The following SLC22A23 variants were observed in gnomAD, a reference collection of about 807,000 sequenced individuals.
The protein encoded by SLC22A23 is solute carrier family 22 member 23, also known as ion transporter protein.
In SLC22A23, 26 loss-of-function variants were observed where a neutral mutation model predicts 61.0. That is an observed-to-expected ratio of 0.43 (90% CI 0.31 to 0.59). The LOEUF is 0.59. Among genes scored for constraint, SLC22A23 ranks in the 20% least tolerant of loss-of-function variants. The pLI, the probability that SLC22A23 is intolerant of heterozygous loss-of-function variation, is 0.11. For synonymous variants in SLC22A23, 430 were observed against 413.9 expected (o/e 1.04, Z -0.47); for missense variants, 796 against 934.7 (o/e 0.85, Z 1.94).
At chr6:3,447,586 T>TC (rs1484050635) in intron 1 of SLC22A23, among the ~76,000 whole-genome samples, 6 of 144,974 alleles carry the variant, frequency 4.1e-5, no homozygotes, top group East Asian at 2.0e-4. Flanking sequence ...AAACTTTCTT[T>TC]TTTTTTTTTT....
chr6:3,291,870 AC>A (rs1443120097), intron 5 of SLC22A23: 1 of 152,224 alleles, frequency 6.6e-6, no homozygotes, highest in East Asian at 1.9e-4. Flanking sequence ...AAAAGTATAT[AC>A]CCCAAACTGA....
In SLC22A23 at chr6:3,372,013, C is replaced by T. The variant is rs1766250129; in HGVS notation, c.913+38175G>A. ...TATGGTATCTTCTTTAATCCCACGA[C>T]CATCCCAGGAGGTATGTACTCTCAT... On this transcript the variant is annotated intron_variant, in intron 3 of 9. Coordinates refer to ENST00000406686, the MANE Select transcript of SLC22A23 (RefSeq NM_015482.2). This position sits in a 1 kb window ranked among gnomAD's most constrained non-coding sequence, Gnocchi z 4.7. Among the ~76,000 whole-genome samples, 1 of 152,202 alleles carries T rather than the reference C, an allele frequency of 6.6e-6. No homozygotes were observed. The highest frequency in any genetic ancestry group is 1.5e-5 in the Non-Finnish European group (1 of 68,034).
At position 3,432,486 on chromosome 6, in the gene SLC22A23, C is replaced by T. The variant is rs1019249151; in HGVS notation, c.655-16631G>A. On this transcript the variant is annotated intron_variant, in intron 1 of 9. Coordinates refer to ENST00000406686, the MANE Select transcript of SLC22A23 (RefSeq NM_015482.2). Reference sequence around the variant, plus strand: ...GGCAGAGGGAGGACTTCCAGGAACGCGTCTCCTTCTAGCTCTCCGCTTTGG... The same window carrying T: ...GGCAGAGGGAGGACTTCCAGGAACGTGTCTCCTTCTAGCTCTCCGCTTTGG... 4.8e-5 allele frequency: 35 copies of T among 725,618 alleles called. 1 individual carries two copies. The highest frequency in any genetic ancestry group is 6.1e-5 in the South Asian group (1 of 16,470). The allele number at this position is 725,618 out of a possible 1,614,324, so 44.9% of individuals were successfully genotyped here. A position where few individuals can be genotyped will look rare whatever the true frequency, so the allele number is the denominator to read the frequency against.
chr6:3,428,971 C>A (rs6596968), intron 1 of SLC22A23, among the ~76,000 whole-genome samples: 79,005 of 125,210 alleles, frequency 0.63, 20,952 homozygotes, highest in South Asian at 0.79. Context: ...GCTCTGTAGC[C>A]CCCTCTTCAA....
At chr6:3,401,818 T>C (rs1768411484) in intron 3 of SLC22A23, among the ~76,000 whole-genome samples, 1 of 152,196 alleles carries the variant, frequency 6.6e-6, no homozygotes, top group Non-Finnish European at 1.5e-5. Flanking sequence ...ACCTTCATCC[T>C]GAGGACACGG....
In SLC22A23 at chr6:3,286,907, T is replaced by C. The variant is rs1760064029; in HGVS notation, c.1498A>G (p.Met500Val). Residue 500 changes from methionine (M) to valine (V), a missense_variant, in exon 7 of 10, where the codon ATG becomes GTG. Transcript: ENST00000406686. The surrounding 1 kb of genome is among the most constrained non-coding windows in gnomAD (Gnocchi z 4.2). Reference protein sequence around the residue: ...LGRRGGLLLFMILTALASLLQ... With the variant: ...LGRRGGLLLFVILTALASLLQ... ...AGTGAGGCCAGGGCGGTGAGGATCA[T>C]GAAGAGCAGCAGCCCTCCCCTGCGC... 1 of 1,613,024 alleles carries C rather than the reference T, an allele frequency of 6.2e-7. No homozygotes were observed. Among genetic ancestry groups the C allele is most frequent in the Non-Finnish European group, 8.5e-7 (1 of 1,179,692 alleles).
At chr6:3,385,729 T>C (rs1230030045) in intron 3 of SLC22A23, among the ~76,000 whole-genome samples, 1 of 152,188 alleles carries the variant, frequency 6.6e-6, no homozygotes, top group Non-Finnish European at 1.5e-5. Flanking sequence ...TCACAGCCCA[T>C]GCTCAGTGCC....
At chr6:3,300,477 C>G (rs543195395) in intron 4 of SLC22A23, among the ~76,000 whole-genome samples, 2 of 152,164 alleles carry the variant, frequency 1.3e-5, no homozygotes, top group Non-Finnish European at 2.9e-5. Context: ...AGAGAGGTGC[C>G]TTGCCCCTTC....
At chr6:3,416,531 G>T (rs187732931) in intron 1 of SLC22A23, among the ~76,000 whole-genome samples, 15 of 152,334 alleles carry the variant, frequency 9.8e-5, no homozygotes, top group Admixed American at 9.1e-4. Context: ...TGTTTAATAA[G>T]AAAAATACAA....
intron 9 of SLC22A23, among the ~76,000 whole-genome samples, chr6:3,276,289 C>T (rs953830562): frequency 6.6e-6 from 1 of 152,246 alleles, no homozygotes; most frequent in African/African-American, 2.4e-5. Flanking sequence ...GCCAGGCTTG[C>T]AGCCCTAGGG....
At position 3,279,738 on chromosome 6, in the gene SLC22A23, G is replaced by A. The variant is rs926126079; in HGVS notation, c.1703+4114C>T. ...TGCTTTTCTCTGGGTTGTCACTAGAGGGCAGCATACGCCCGTGTTTAGAAG... is the reference window on the plus strand; with the variant it reads ...TGCTTTTCTCTGGGTTGTCACTAGAAGGCAGCATACGCCCGTGTTTAGAAG... On this transcript the variant is annotated intron_variant, in intron 9 of 9. Transcript: ENST00000406686. Among the ~76,000 whole-genome samples, 74 of 151,978 alleles carry A rather than the reference G, an allele frequency of 4.9e-4. 1 individual carries two copies. The highest frequency in any genetic ancestry group is 8.8e-5 in the Non-Finnish European group (6 of 68,008).
chr6:3,378,809 C>A (rs1032709838), intron 3 of SLC22A23, among the ~76,000 whole-genome samples: 4 of 152,124 alleles, frequency 2.6e-5, no homozygotes, highest in African/African-American at 9.6e-5. Context: ...AGGCACCTGC[C>A]ACCACACCCG....
chr6:3,448,774 G>A (rs1043220830), intron 1 of SLC22A23, among the ~76,000 whole-genome samples: 2 of 152,268 alleles, frequency 1.3e-5, no homozygotes, highest in African/African-American at 4.8e-5. Flanking sequence ...GATTACAGGC[G>A]TGAGCAACCG....
At chr6:3,315,967 A>T (rs966731845) in intron 4 of SLC22A23, among the ~76,000 whole-genome samples, 2 of 152,194 alleles carry the variant, frequency 1.3e-5, no homozygotes, top group Non-Finnish European at 2.9e-5. Flanking sequence ...AAAGTATGTT[A>T]GGTCCTCTGT....
intron 4 of SLC22A23, chr6:3,302,965 A>G (rs1202862747): frequency 6.6e-6 from 1 of 152,248 alleles, no homozygotes; most frequent in Non-Finnish European, 1.5e-5. Context: ...TTCATCTGAC[A>G]GGGGATTAAC....
At position 3,356,539 on chromosome 6, in the gene SLC22A23, C is replaced by T. The variant is rs139996112; in HGVS notation, c.914-32537G>A. 2.7e-3 allele frequency among the ~76,000 whole-genome samples: 414 copies of T among 152,304 alleles called. 2 individuals carry two copies. Among genetic ancestry groups the T allele is most frequent in the African/African-American group, 9.2e-3 (382 of 41,558 alleles). ...TGCACTACCCTCCCGCTGGCTGCTT[C>T]ATTGTCCTGGGCAAATCTTCAGCCC... On this transcript the variant is annotated intron_variant, in intron 3 of 9. Coordinates refer to ENST00000406686, the MANE Select transcript of SLC22A23 (RefSeq NM_015482.2).
chr6:3,374,609 T>G lies in SLC22A23; in HGVS notation c.913+35579A>C, dbSNP rs540414234. ...TTAAGTAAAAAAAGTGTGAAAGTAA[T>G]TGGTAGCCAGTGAGAAAGAAAGTGA... On this transcript the variant is annotated intron_variant, in intron 3 of 9. Coordinates refer to ENST00000406686, the MANE Select transcript of SLC22A23 (RefSeq NM_015482.2). 3.2e-4 allele frequency among the ~76,000 whole-genome samples: 49 copies of G among 152,100 alleles called. 1 individual carries two copies. The highest frequency in any genetic ancestry group is 6.3e-4 in the Non-Finnish European group (43 of 68,004).
intron 3 of SLC22A23, among the ~76,000 whole-genome samples, chr6:3,347,763 TC>T (rs1764525935): frequency 6.6e-6 from 1 of 152,208 alleles, no homozygotes; most frequent in Non-Finnish European, 1.5e-5. Context: ...TTCTCATTAT[TC>T]CTCTAATCTC....
At position 3,410,132 on chromosome 6, in the gene SLC22A23, G is replaced by A; in HGVS notation, c.913+56C>T. ...ACAGTATCTTTCCCAGAACCTCCCA[G>A]GCAACAATACTTTTGCTAAATTCTT... is the stretch of plus-strand genomic sequence containing the variant. On this transcript the variant is annotated intron_variant, in intron 3 of 9. Transcript: ENST00000406686. The surrounding 1 kb of genome is among the most constrained non-coding windows in gnomAD (Gnocchi z 5.0). 1 of 1,549,916 alleles carries A rather than the reference G, an allele frequency of 6.5e-7. No individual in the cohort carries two copies. The highest frequency in any genetic ancestry group is 1.4e-5 in the African/African-American group (1 of 72,792).
Sources: allele counts gnomAD v4.1 joint callset (sites outside exome capture counted in the v4.1 genomes callset), GRCh38; gene constraint gnomAD v4.1.1; non-coding constraint Gnocchi (gnomAD v3.1); transcripts MANE v1.5; gene names NCBI Gene and HGNC (gene_info 2026-07-23, HGNC 2026-07-21).